The following CDH18 variants were observed in gnomAD, a reference collection of about 807,000 sequenced individuals.
CDH18 encodes the protein cadherin 18.
A neutral mutation model predicts 67.9 loss-of-function variants in CDH18; 31 were observed. The observed-to-expected ratio is 0.46, with a 90% confidence interval of 0.34 to 0.62. CDH18 has a LOEUF of 0.62. Ranked by LOEUF, CDH18 falls within the 20% of genes least tolerant of loss-of-function variation. CDH18 has a pLI of 0.01. For synonymous variants in CDH18, 362 were observed against 347.2 expected (o/e 1.04, Z -0.48); for missense variants, 890 against 975.5 (o/e 0.91, Z 1.17).
At chr5:19,829,109 T>C (rs1780741048) in intron 3 of CDH18, among the ~76,000 whole-genome samples, 1 of 152,130 alleles carries the variant, frequency 6.6e-6, no homozygotes, top group South Asian at 2.1e-4. Context: ...ATCAACATAC[T>C]GAATGAGCAA....
At chr5:20,100,902 G>A (rs1746406390) in intron 2 of CDH18, among the ~76,000 whole-genome samples, 2 of 152,074 alleles carry the variant, frequency 1.3e-5, no homozygotes, top group Admixed American at 6.6e-5. Context: ...CTCATTGGGA[G>A]AATACATGTA....
intron 1 of CDH18, among the ~76,000 whole-genome samples, chr5:20,567,976 G>A (rs1476477798): frequency 6.6e-6 from 1 of 152,148 alleles, no homozygotes; most frequent in Non-Finnish European, 1.5e-5. Flanking sequence ...TCACATTTTC[G>A]AGAACTGTGA....
chr5:20,389,522 C>T (rs1744640057), intron 1 of CDH18, among the ~76,000 whole-genome samples: 2 of 151,986 alleles, frequency 1.3e-5, no homozygotes, highest in African/African-American at 4.8e-5. Flanking sequence ...CTGTCTGTGT[C>T]TTTAATTGGA....
intron 2 of CDH18, among the ~76,000 whole-genome samples, chr5:19,967,336 T>C (rs1797554669): frequency 6.6e-6 from 1 of 152,094 alleles, no homozygotes; most frequent in South Asian, 2.1e-4. Flanking sequence ...AATGTTATAA[T>C]TAGAAAAATA....
intron 5 of CDH18, among the ~76,000 whole-genome samples, chr5:19,642,469 A>C (rs2150229994): frequency 6.6e-6 from 1 of 152,142 alleles, no homozygotes; most frequent in East Asian, 1.9e-4. Flanking sequence ...ATACTTAAAC[A>C]AAAACAGATA....
At chr5:20,096,054 CAAAG>C (rs1400508324) in intron 2 of CDH18, among the ~76,000 whole-genome samples, 1 of 151,688 alleles carries the variant, frequency 6.6e-6, no homozygotes, top group Non-Finnish European at 1.5e-5. Context: ...ATCAAAGAAG[CAAAG>C]AGAGAGATGG....
At chr5:20,471,365 T>C (rs1273636882) in intron 1 of CDH18, among the ~76,000 whole-genome samples, 1 of 152,140 alleles carries the variant, frequency 6.6e-6, no homozygotes, top group Non-Finnish European at 1.5e-5. Flanking sequence ...TTCCCTGTTT[T>C]CATCCACACT....
At chr5:20,358,932 CT>C (rs66786530) in intron 1 of CDH18, among the ~76,000 whole-genome samples, 19,455 of 127,764 alleles carry the variant, frequency 0.15, 1,015 homozygotes, top group East Asian at 0.27. Context: ...TTTTTTCTTT[CT>C]TTTTTTTTTT....
rs145213048 is a variant in CDH18 at position 20,007,672 on chromosome 5, AGTGTGTGTGTGTGTGTGTGT to A, written c.-517-15678_-517-15659del. Among the ~76,000 whole-genome samples the A allele has an allele frequency of 1.5e-4, 21 of 140,238 alleles. No homozygotes were observed. In the East Asian group the frequency reaches 3.3e-3, roughly 22 times the overall value. 92.0% of individuals were successfully genotyped at this position (140,238 alleles called of 152,430 possible). ...ATAGTTTGAAGTGCAGTGTGTGGAA[AGTGTGTGTGTGTGTGTGTGT>A]GTGTGTGTGTGTGTGTGTGTGTGTC... On this transcript the variant is annotated intron_variant, in intron 2 of 14. Transcript: ENST00000507958.
intron 4 of CDH18, among the ~76,000 whole-genome samples, chr5:19,734,864 G>A (rs1280579571): frequency 6.6e-6 from 1 of 152,062 alleles, no homozygotes; most frequent in Non-Finnish European, 1.5e-5. Flanking sequence ...GTCAAGGGGT[G>A]ATATATCAGA....
At chr5:19,717,335 A>G (rs1334542308) in intron 5 of CDH18, among the ~76,000 whole-genome samples, 2 of 152,086 alleles carry the variant, frequency 1.3e-5, no homozygotes, top group Non-Finnish European at 2.9e-5. Flanking sequence ...TCAAATGGCC[A>G]TGAAAGTAAT....
At chr5:20,053,710 C>T (rs1741648563) in intron 2 of CDH18, among the ~76,000 whole-genome samples, 1 of 152,104 alleles carries the variant, frequency 6.6e-6, no homozygotes, top group African/African-American at 2.4e-5. Flanking sequence ...ATCAACTCTC[C>T]TTAACTCTGA....
At position 20,116,586 on chromosome 5, in the gene CDH18, A is replaced by C. The variant is rs150403889; in HGVS notation, c.-517-124572T>G. Among the ~76,000 whole-genome samples the C allele has an allele frequency of 1.2e-4, 18 of 152,294 alleles. 1 individual carries two copies. The East Asian group carries it at 3.5e-3, about 29-fold the overall frequency. On this transcript the variant is annotated intron_variant, in intron 2 of 14. Transcript: ENST00000507958. ...CTAAGAAAGGATAGGAATATATTTT[A>C]AGTGTTGTTATTAACAGCAAATTAA...
chr5:20,037,107 C>T (rs149954733), intron 2 of CDH18, among the ~76,000 whole-genome samples: 10,652 of 151,956 alleles, frequency 0.07, 464 homozygotes, highest in Non-Finnish European at 0.097. Flanking sequence ...GCATTTAGCC[C>T]GTTTACATTT....
At chr5:19,919,844 T>C (rs1487556688) in intron 2 of CDH18, among the ~76,000 whole-genome samples, 1 of 152,168 alleles carries the variant, frequency 6.6e-6, no homozygotes, top group East Asian at 1.9e-4. Flanking sequence ...CTTTCTGCTT[T>C]AGGGTTTTTC....
intron 3 of CDH18, among the ~76,000 whole-genome samples, chr5:19,748,340 A>C (rs1770401967): frequency 6.6e-6 from 1 of 151,996 alleles, no homozygotes; most frequent in Non-Finnish European, 1.5e-5. Flanking sequence ...ATTACAGAAG[A>C]GGTATTCAAT....
Position 20,466,737 on chromosome 5 carries a change from T to C in CDH18, c.-580+108725A>G, listed in dbSNP as rs576143021. Among the ~76,000 whole-genome samples the C allele has an allele frequency of 2.4e-3, 360 of 152,222 alleles. 2 individuals are homozygous for C. Among genetic ancestry groups the C allele is most frequent in the African/African-American group, 8.3e-3 (346 of 41,566 alleles). ...TAATTTTTTCCTTGATTATATCCCA[T>C]GTGAGACATGCAGTTTGGTTTTTAG... On this transcript the variant is annotated intron_variant, in intron 1 of 14. Transcript: ENST00000507958.
At chr5:20,056,246 C>T (rs1741904556) in intron 2 of CDH18, among the ~76,000 whole-genome samples, 1 of 149,316 alleles carries the variant, frequency 6.7e-6, no homozygotes, top group East Asian at 2.0e-4. Context: ...TCAGGTGATC[C>T]ACCCGCCTTG....
At chr5:19,895,504 T>C (rs1373714472) in intron 2 of CDH18, among the ~76,000 whole-genome samples, 1 of 152,102 alleles carries the variant, frequency 6.6e-6, no homozygotes, top group Non-Finnish European at 1.5e-5. Context: ...GCAATTTCAC[T>C]CCTGGGTATT....
Sources: gnomAD v4.1 joint callset for allele counts (sites outside exome capture counted in the v4.1 genomes callset) on GRCh38, gnomAD v4.1.1 for gene constraint, MANE v1.5 for transcripts, NCBI Gene and HGNC (gene_info 2026-07-23, HGNC 2026-07-21) for gene names.